Variants in PCDHGC5 observed in about 807,000 individuals in gnomAD.
PCDHGC5 encodes protocadherin gamma subfamily C, 5, also known as protocadherin gamma-C5.
In PCDHGC5, 25 loss-of-function variants were observed where a neutral mutation model predicts 59.0. The observed-to-expected ratio is 0.42, with a 90% CI of 0.31 to 0.59. The LOEUF is 0.59. Among genes scored for constraint, PCDHGC5 ranks in the 20% least tolerant of loss-of-function variants. The probability of loss-of-function intolerance (pLI) is 0.13; values close to 1 mark genes in which losing one functional copy is unlikely to be tolerated. For missense variants in PCDHGC5, 1,067 were observed against 1,206.4 expected, an observed-to-expected ratio of 0.88 and a Z score of 1.71; for synonymous variants, 434 against 505.5, an observed-to-expected ratio of 0.86 and a Z score of 1.90.
At chr5:141,503,396 A>G (rs1025780031) in intron 2 of PCDHGC5, among the ~76,000 whole-genome samples, 2 of 151,944 alleles carry the variant, frequency 1.3e-5, no homozygotes, top group African/African-American at 2.4e-5. Flanking sequence ...GGAGTTCGAA[A>G]CCAACCTGGC....
chr5:141,505,283 G>A, intron 2 of PCDHGC5, 110 bp from the exon 3 acceptor site: 5 of 1,547,446 alleles, frequency 3.2e-6, no homozygotes, highest in Non-Finnish European at 3.5e-6. Flanking sequence ...ACAGGTCTTG[G>A]GCATGGGGTA....
rs755936344 is a variant in PCDHGC5, at chr5:141,490,704, C to T, written c.1464C>T (p.Arg488=). ...ASDPDTGDNA[R]LTYSIVGNQV... is the part of the protein sequence containing the mutation. ...ATCCAGACACTGGGGATAATGCCCG[C>T]CTCACCTACTCCATTGTAGGAAATC... Residue 488 remains arginine, a synonymous_variant, in exon 1 of 4, where the codon CGC becomes CGT. Transcript: ENST00000252087. The surrounding 1 kb of genome is among the most constrained non-coding windows in gnomAD (Gnocchi z 5.4). 6.2e-7 allele frequency: 1 copy of T among 1,614,166 alleles called. No homozygotes were observed.
At chr5:141,494,783 C>G (rs2099756910) in intron 1 of PCDHGC5, 24 bp from the exon 2 acceptor site, 2 of 1,613,964 alleles carry the variant, frequency 1.2e-6, no homozygotes, top group Admixed American at 3.3e-5. Context: ...GTACTCAGCC[C>G]CTTTCCCTCT....
intron 3 of PCDHGC5, among the ~76,000 whole-genome samples, chr5:141,510,591 A>G (rs1050708244): frequency 6.6e-6 from 1 of 152,176 alleles, no homozygotes; most frequent in Non-Finnish European, 1.5e-5. Flanking sequence ...TACCTGACAT[A>G]CATTTTCTTA....
At chr5:141,508,371 C>T (rs1250979168) in intron 3 of PCDHGC5, 1 of 152,226 alleles carries the variant, frequency 6.6e-6, no homozygotes, top group East Asian at 1.9e-4. Flanking sequence ...CAACTTCTTC[C>T]CCTCAGATTT....
chr5:141,511,328 A>G lies in PCDHGC5; in HGVS notation c.*155A>G. On this transcript the variant is annotated 3_prime_UTR_variant, in exon 4 of 4. Transcript: ENST00000252087. Reference sequence around the variant, plus strand: ...CCTTGGGAAACAGAAACAAGTGCCCAGTCAGCACCTACCCCTTCCCCCCCA... The same window carrying G: ...CCTTGGGAAACAGAAACAAGTGCCCGGTCAGCACCTACCCCTTCCCCCCCA... The G allele has an allele frequency of 6.9e-7, 1 of 1,456,862 alleles. No individual in the cohort carries two copies. Among genetic ancestry groups the G allele is most frequent in the Non-Finnish European group, 9.1e-7 (1 of 1,093,622 alleles). 90.2% of individuals were successfully genotyped at this position (1,456,862 alleles called of 1,614,324 possible).
chr5:141,496,146 G>T (rs749790409), intron 2 of PCDHGC5, among the ~76,000 whole-genome samples: 1 of 151,170 alleles, frequency 6.6e-6, no homozygotes, highest in South Asian at 2.1e-4. Flanking sequence ...GCCTTTGATC[G>T]CAGCTCTCCA....
At chr5:141,494,937 G>A (rs759078748) in intron 2 of PCDHGC5, 72 bp downstream of exon 2, 130 of 1,612,276 alleles carry the variant, frequency 8.1e-5, no homozygotes, top group Non-Finnish European at 1.1e-4. Context: ...GAGGAGATGG[G>A]GGAGGGCCCA....
Position 141,511,703 on chromosome 5 carries a change from T to G in PCDHGC5, c.*530T>G, listed in dbSNP as rs148447880. On this transcript the variant is annotated 3_prime_UTR_variant, in exon 4 of 4. Coordinates refer to ENST00000252087, the MANE Select transcript of PCDHGC5 (RefSeq NM_018929.3). ...AAAGCATGGTTTGGTGCCAGCCCCT[T>G]CACCTCCTTCCAGAGCCCAAGATCA... The G allele has an allele frequency of 1.1e-4, 21 of 189,942 alleles. No homozygotes were observed. In the East Asian group the frequency reaches 2.4e-3, roughly 22 times the overall value. 11.8% of individuals were successfully genotyped at this position (189,942 alleles called of 1,614,324 possible).
rs1562144438 is a variant in PCDHGC5, at chr5:141,491,135, G to A, written c.1895G>A (p.Arg632Gln). The change falls in exon 1 of 4, where the codon CGG becomes CAG. Residue 632 changes from arginine (R) to glutamine (Q), a missense_variant. Transcript: ENST00000252087. The surrounding 1 kb of genome is among the most constrained non-coding windows in gnomAD (Gnocchi z 6.9). ...STHTGEVRTA[R>Q]ALLEDDSDTQ... Reference sequence around the variant, plus strand: ...CACACTGGTGAGGTGCGCACAGCCCGGGCCTTACTGGAGGATGACTCTGAC... The same window carrying A: ...CACACTGGTGAGGTGCGCACAGCCCAGGCCTTACTGGAGGATGACTCTGAC... 4 of 1,614,104 alleles carry A rather than the reference G, an allele frequency of 2.5e-6. No homozygotes were observed. The highest frequency in any genetic ancestry group is 1.3e-5 in the African/African-American group (1 of 75,034).
chr5:141,505,614 A>G (rs2154593732), intron 3 of PCDHGC5, 133 bp downstream of exon 3: 1 of 1,510,758 alleles, frequency 6.6e-7, no homozygotes, highest in Non-Finnish European at 8.9e-7. Context: ...GTCTGAAAGG[A>G]CCCACAATTC....
At position 141,499,027 on chromosome 5, in the gene PCDHGC5, A is replaced by AG. The variant is rs1323149397; in HGVS notation, c.2519+4163dup. 7.4e-3 allele frequency among the ~76,000 whole-genome samples: 1,116 copies of AG among 149,928 alleles called. 12 individuals are homozygous for AG. Among genetic ancestry groups the AG allele is most frequent in the African/African-American group, 0.026 (1,074 of 40,604 alleles). On this transcript the variant is annotated intron_variant, in intron 2 of 3. Transcript: ENST00000252087. ...AAGGAAGGAAGGAAGGAAGGAAGGA[A>AG]GAAAAGAAAGAAAAAGGGAGAAAAA...
Position 141,510,982 on chromosome 5 carries a change from G to A in PCDHGC5, c.2644G>A (p.Ala882Thr). The A allele has an allele frequency of 3.1e-6, 5 of 1,614,166 alleles. No homozygotes were observed. Among genetic ancestry groups the A allele is most frequent in the Non-Finnish European group, 3.4e-6 (4 of 1,180,018 alleles). Reference protein sequence around the residue: ...ADGSSTLGGGAGTMGLSARYG... With the variant: ...ADGSSTLGGGTGTMGLSARYG... Reference sequence around the variant, plus strand: ...TGGGAGCTCCACCCTGGGAGGGGGTGCCGGCACCATGGGATTGAGCGCCCG... The same window carrying A: ...TGGGAGCTCCACCCTGGGAGGGGGTACCGGCACCATGGGATTGAGCGCCCG... The change falls in exon 4 of 4, where the codon GCC (alanine) becomes ACC (threonine). Residue 882 changes from alanine to threonine, a missense_variant. Coordinates refer to ENST00000252087, the MANE Select transcript of PCDHGC5 (RefSeq NM_018929.3).
chr5:141,500,467 C>T lies in PCDHGC5; in HGVS notation c.2520-4926C>T, dbSNP rs368360639. 6.6e-5 allele frequency among the ~76,000 whole-genome samples: 10 copies of T among 152,262 alleles called. No homozygotes were observed. In the South Asian group the frequency reaches 2.1e-3, roughly 32 times the overall value. ...CTCGTGATCCGCCCGCCTCGGCCTC[C>T]CAAAGTGCTGGGATTACAGGCGTGA... is the stretch of plus-strand genomic sequence containing the variant. On this transcript the variant is annotated intron_variant, in intron 2 of 3. Coordinates refer to ENST00000252087, the MANE Select transcript of PCDHGC5 (RefSeq NM_018929.3).
chr5:141,506,447 A>G (rs1405495926), intron 3 of PCDHGC5, among the ~76,000 whole-genome samples: 3 of 146,906 alleles, frequency 2.0e-5, no homozygotes, highest in Non-Finnish European at 3.0e-5. Flanking sequence ...TCTGTCTCAA[A>G]AAAAAAAAAA....
chr5:141,491,810 G>T lies in PCDHGC5; in HGVS notation c.2460+110G>T. 1 of 1,486,878 alleles carries T rather than the reference G, an allele frequency of 6.7e-7. No individual in the cohort carries two copies. The allele number at this position is 1,486,878 out of a possible 1,614,324, so 92.1% of individuals were successfully genotyped here. A position where few individuals can be genotyped will look rare whatever the true frequency, so the allele number is the denominator to read the frequency against. ...CCACTCCTCTCCGGCCGGCTTGGTC[G>T]CTGGCTGCGCTCCACCCGATTCTCG... On this transcript the variant is annotated intron_variant, in intron 1 of 3. Coordinates refer to ENST00000252087, the MANE Select transcript of PCDHGC5 (RefSeq NM_018929.3). This position sits in a 1 kb window ranked among gnomAD's most constrained non-coding sequence, Gnocchi z 6.9.
intron 2 of PCDHGC5, among the ~76,000 whole-genome samples, chr5:141,504,354 G>C (rs1349256606): frequency 6.6e-6 from 1 of 152,100 alleles, no homozygotes; most frequent in Non-Finnish European, 1.5e-5. Flanking sequence ...TGTGCTAGGT[G>C]CTTCAGTAGG....
intron 3 of PCDHGC5, chr5:141,508,127 G>A (rs1220643878): frequency 6.6e-6 from 1 of 152,628 alleles, no homozygotes; most frequent in Non-Finnish European, 1.5e-5. Context: ...ACAGAGGGAG[G>A]TCAGGGAGCT....
chr5:141,501,964 A>G (rs1374872785), intron 2 of PCDHGC5, among the ~76,000 whole-genome samples: 1 of 151,854 alleles, frequency 6.6e-6, no homozygotes, highest in East Asian at 1.9e-4. Flanking sequence ...TCATCCTCCT[A>G]ACCTCTGGCA....
Sources: gnomAD v4.1 joint callset for allele counts (sites outside exome capture counted in the v4.1 genomes callset) on GRCh38, gnomAD v4.1.1 for gene constraint, Gnocchi (gnomAD v3.1) non-coding constraint, MANE v1.5 for transcripts, NCBI Gene and HGNC (gene_info 2026-07-23, HGNC 2026-07-21) for gene names.